Variants in MRPL1 observed in about 807,000 individuals in gnomAD.
The protein encoded by MRPL1 is large ribosomal subunit protein uL1m.
Under a neutral mutation model 38.0 loss-of-function variants are expected in MRPL1, and 28 were observed. The observed-to-expected ratio is 0.74, with a 90% CI of 0.55 to 1.01. The LOEUF (loss-of-function observed/expected upper bound fraction) is 1.01, where lower values mean the gene tolerates loss of function less well. MRPL1 is among the 50% of genes least tolerant of loss of function. The probability of loss-of-function intolerance (pLI) is 0.00; values close to 1 mark genes in which losing one functional copy is unlikely to be tolerated. For missense variants in MRPL1, 358 were observed against 389.8 expected (o/e 0.92, Z 0.69); for synonymous variants, 123 against 126.7 (o/e 0.97, Z 0.20).
At chr4:77,950,628 C>G (rs1737387451) in intron 8 of MRPL1, among the ~76,000 whole-genome samples, 1 of 152,078 alleles carries the variant, frequency 6.6e-6, no homozygotes, top group Non-Finnish European at 1.5e-5. Context: ...GGGAGTTAAC[C>G]ATACTGGTGA....
intron 5 of MRPL1, among the ~76,000 whole-genome samples, chr4:77,891,748 C>CTCTA (rs1553905248): frequency 6.6e-6 from 1 of 152,000 alleles, no homozygotes; most frequent in Non-Finnish European, 1.5e-5. Context: ...TGTTATGAAG[C>CTCTA]TGTAAGTTCA....
intron 6 of MRPL1, among the ~76,000 whole-genome samples, chr4:77,908,136 A>T (rs1450942347): frequency 6.6e-6 from 1 of 150,898 alleles, no homozygotes; most frequent in African/African-American, 2.4e-5. Context: ...ATTCACTATG[A>T]TATTGTTTCC....
chr4:77,916,863 A>C (rs1183093087), intron 7 of MRPL1, among the ~76,000 whole-genome samples: 2 of 152,178 alleles, frequency 1.3e-5, no homozygotes, highest in African/African-American at 2.4e-5. Flanking sequence ...ATATGTTGAA[A>C]ATTTTATTAT....
chr4:77,923,033 G>C (rs1443551804), intron 7 of MRPL1, among the ~76,000 whole-genome samples: 2 of 152,250 alleles, frequency 1.3e-5, no homozygotes, highest in East Asian at 3.9e-4. Flanking sequence ...TCTTTATTAT[G>C]TAAATGAATA....
intron 7 of MRPL1, among the ~76,000 whole-genome samples, chr4:77,941,415 A>G (rs528866344): frequency 3.3e-5 from 5 of 152,164 alleles, no homozygotes; most frequent in South Asian, 4.2e-4. Context: ...CTATTTCTCT[A>G]TCTTGTGGAA....
intron 1 of MRPL1, among the ~76,000 whole-genome samples, chr4:77,871,070 A>G (rs932785987): frequency 4.6e-5 from 7 of 152,140 alleles, no homozygotes; most frequent in African/African-American, 1.7e-4. Context: ...TCTGATGAAT[A>G]TGAAATAGTT....
intron 7 of MRPL1, among the ~76,000 whole-genome samples, chr4:77,923,875 A>C (rs1347814883): frequency 6.6e-6 from 1 of 151,958 alleles, no homozygotes; most frequent in Non-Finnish European, 1.5e-5. Flanking sequence ...AGATGGAAGC[A>C]GGAGAATCGG....
rs1369865971 is a variant in MRPL1 at position 77,862,840 on chromosome 4, GT to G, written c.-8del. 1 of 1,614,086 alleles carries G rather than the reference GT, an allele frequency of 6.2e-7. No individual in the cohort carries two copies. ...AACAATTTCGTGAACGCAATCCGGAGTGCCCAACATGGCGGCGGCCGTAAGG... is the reference window on the plus strand; with the variant it reads ...AACAATTTCGTGAACGCAATCCGGAGGCCCAACATGGCGGCGGCCGTAAGG... On this transcript the variant is annotated 5_prime_UTR_variant, in exon 1 of 9. Coordinates refer to ENST00000315567, the MANE Select transcript of MRPL1 (RefSeq NM_020236.4).
chr4:77,876,769 T>C (rs1030074327), intron 2 of MRPL1, among the ~76,000 whole-genome samples: 6 of 152,234 alleles, frequency 3.9e-5, no homozygotes, highest in African/African-American at 1.4e-4. Flanking sequence ...CTCTCCCCTC[T>C]ACCCTGTGTT....
intron 7 of MRPL1, among the ~76,000 whole-genome samples, chr4:77,933,333 GGGC>G (rs1167353214): frequency 6.6e-6 from 1 of 152,118 alleles, no homozygotes. Context: ...TGTCCTCTGA[GGGC>G]TAGTTGGCCC....
chr4:77,909,840 G>A (rs183762742), intron 7 of MRPL1, among the ~76,000 whole-genome samples: 51 of 152,222 alleles, frequency 3.4e-4, no homozygotes, highest in African/African-American at 1.2e-3. Flanking sequence ...CCTGCTTTTA[G>A]AAGATGCTGG....
At chr4:77,865,833 G>A (rs1479523744) in intron 1 of MRPL1, among the ~76,000 whole-genome samples, 1 of 152,160 alleles carries the variant, frequency 6.6e-6, no homozygotes, top group African/African-American at 2.4e-5. Context: ...CTGTCAATGA[G>A]TAGTGAAATT....
At chr4:77,914,086 G>T (rs1183207794) in intron 7 of MRPL1, among the ~76,000 whole-genome samples, 2 of 152,126 alleles carry the variant, frequency 1.3e-5, no homozygotes, top group African/African-American at 4.8e-5. Context: ...TTAGTGAATT[G>T]TAGGCATTAA....
chr4:77,951,051 G>A (rs985218642), intron 8 of MRPL1, among the ~76,000 whole-genome samples: 4 of 152,110 alleles, frequency 2.6e-5, no homozygotes, highest in African/African-American at 9.7e-5. Flanking sequence ...TGTATTTTTA[G>A]TAGCGGTGGG....
At chr4:77,927,393 C>A (rs973562876) in intron 7 of MRPL1, among the ~76,000 whole-genome samples, 1 of 151,886 alleles carries the variant, frequency 6.6e-6, no homozygotes, top group African/African-American at 2.4e-5. Context: ...TTATTAATTC[C>A]AAGTTAGTGA....
At chr4:77,872,383 C>T (rs1735302002) in intron 2 of MRPL1, among the ~76,000 whole-genome samples, 1 of 152,044 alleles carries the variant, frequency 6.6e-6, no homozygotes, top group Admixed American at 6.5e-5. Flanking sequence ...ATTATCCGTA[C>T]TATGATTACA....
At position 77,920,825 on chromosome 4, in the gene MRPL1, C is replaced by T. The variant is rs184370262; in HGVS notation, c.777+11453C>T. ...CCCCCACAATGGAGTGCAAGTGGCA[C>T]GAACTTGACTCACTGCAACCTTCAC... is the stretch of plus-strand genomic sequence containing the variant. On this transcript the variant is annotated intron_variant, in intron 7 of 8. Coordinates refer to ENST00000315567, the MANE Select transcript of MRPL1 (RefSeq NM_020236.4). 3.6e-3 allele frequency among the ~76,000 whole-genome samples: 555 copies of T among 152,172 alleles called. 3 individuals are homozygous for T. The highest frequency in any genetic ancestry group is 6.8e-3 in the Middle Eastern group (2 of 294).
At chr4:77,916,961 A>T (rs1430215348) in intron 7 of MRPL1, among the ~76,000 whole-genome samples, 1 of 152,192 alleles carries the variant, frequency 6.6e-6, no homozygotes, top group African/African-American at 2.4e-5. Flanking sequence ...TTATACCCTC[A>T]CTAGCATTGG....
At chr4:77,950,590 C>T (rs1054276901) in intron 8 of MRPL1, among the ~76,000 whole-genome samples, 2 of 152,182 alleles carry the variant, frequency 1.3e-5, no homozygotes, top group Non-Finnish European at 2.9e-5. Context: ...AATTAAAACA[C>T]AATCTTAAGC....
Sources: gnomAD v4.1 joint callset for allele counts (sites outside exome capture counted in the v4.1 genomes callset) on GRCh38, gnomAD v4.1.1 for gene constraint, MANE v1.5 for transcripts, NCBI Gene and HGNC (gene_info 2026-07-23, HGNC 2026-07-21) for gene names.